Variants in CRYL1 observed in about 807,000 individuals in gnomAD.
The protein encoded by CRYL1 is crystallin lambda 1, also known as lambda-crystallin homolog.
In CRYL1, 29 loss-of-function variants were observed where a neutral mutation model predicts 36.6. That is an observed-to-expected ratio of 0.79 (90% CI 0.59 to 1.08). The LOEUF is 1.08. Ranked by LOEUF, CRYL1 falls within the 50% of genes least tolerant of loss-of-function variation. CRYL1 has a pLI of 0.00. For missense variants in CRYL1, 411 were observed against 407.9 expected, an observed-to-expected ratio of 1.01 and a Z score of -0.06; for synonymous variants, 152 against 151.5, an observed-to-expected ratio of 1.00 and a Z score of -0.02.
intron 1 of CRYL1, among the ~76,000 whole-genome samples, chr13:20,514,803 CTGTAAAAA>C (rs1337287791): frequency 6.6e-6 from 1 of 151,610 alleles, no homozygotes; most frequent in Non-Finnish European, 1.5e-5. Context: ...CACAATTTTT[CTGTAAAAA>C]TGTAAAAATT....
intron 3 of CRYL1, among the ~76,000 whole-genome samples, chr13:20,454,418 TG>T (rs1391993053): frequency 1.7e-5 from 2 of 120,228 alleles, no homozygotes; most frequent in Non-Finnish European, 3.3e-5. Flanking sequence ...CATTCGTGTT[TG>T]TTTTTTTTTT....
intron 2 of CRYL1, among the ~76,000 whole-genome samples, chr13:20,490,256 G>A (rs2033483710): frequency 6.6e-6 from 1 of 152,204 alleles, no homozygotes; most frequent in African/African-American, 2.4e-5. Flanking sequence ...GCTTGGCATT[G>A]TGCCGCGTGC....
rs2033275894 is a variant in CRYL1, at chr13:20,481,524, C to G, written c.276+7846G>C. Among the ~76,000 whole-genome samples, 3 of 152,160 alleles carry G rather than the reference C, an allele frequency of 2.0e-5. No individual in the cohort carries two copies. Among genetic ancestry groups the G allele is most frequent in the Non-Finnish European group, 4.4e-5 (3 of 68,040 alleles). ...TGATTTCATACGTGACTGTACGCAT[C>G]TGTCAGACACATAGCACTGAACCCT... On this transcript the variant is annotated intron_variant, in intron 3 of 7. Coordinates refer to ENST00000298248, the MANE Select transcript of CRYL1 (RefSeq NM_015974.3). The surrounding 1 kb of genome is among the most constrained non-coding windows in gnomAD (Gnocchi z 4.1).
At chr13:20,438,329 T>C (rs2032279359) in intron 4 of CRYL1, among the ~76,000 whole-genome samples, 1 of 152,158 alleles carries the variant, frequency 6.6e-6, no homozygotes, top group South Asian at 2.1e-4. Flanking sequence ...TCACTCATGC[T>C]TGGACTACTG....
At chr13:20,465,076 T>C (rs540657558) in intron 3 of CRYL1, among the ~76,000 whole-genome samples, 1 of 152,180 alleles carries the variant, frequency 6.6e-6, no homozygotes, top group Non-Finnish European at 1.5e-5. Context: ...AACTCCATAG[T>C]AGTTTAAGTA....
At chr13:20,504,022 A>G (rs916021885) in intron 2 of CRYL1, among the ~76,000 whole-genome samples, 5 of 152,122 alleles carry the variant, frequency 3.3e-5, no homozygotes, top group African/African-American at 1.2e-4. Flanking sequence ...TGGTGGAGAA[A>G]CCAAGATCGA....
chr13:20,481,235 C>A lies in CRYL1; in HGVS notation c.276+8135G>T, dbSNP rs930603651. On this transcript the variant is annotated intron_variant, in intron 3 of 7. Coordinates refer to ENST00000298248, the MANE Select transcript of CRYL1 (RefSeq NM_015974.3). The surrounding 1 kb of genome is among the most constrained non-coding windows in gnomAD (Gnocchi z 4.1). The stretch of plus-strand genomic sequence containing the variant: ...GCCCCAGTCCATCCAGAGTCCCACG[C>A]ACCTTAGTAATGTCATACCACTCAG... Among the ~76,000 whole-genome samples, 3 of 152,176 alleles carry A rather than the reference C, an allele frequency of 2.0e-5. No homozygotes were observed. The highest frequency in any genetic ancestry group is 4.4e-5 in the Non-Finnish European group (3 of 68,040).
At chr13:20,440,231 C>T (rs2032323066) in intron 3 of CRYL1, among the ~76,000 whole-genome samples, 1 of 152,232 alleles carries the variant, frequency 6.6e-6, no homozygotes, top group Non-Finnish European at 1.5e-5. Context: ...TTGGGGTCTA[C>T]ACTTTCTTAT....
At chr13:20,414,805 GCTC>G (rs1203932161) in intron 5 of CRYL1, among the ~76,000 whole-genome samples, 8 of 152,320 alleles carry the variant, frequency 5.3e-5, no homozygotes, top group Admixed American at 5.2e-4. Flanking sequence ...CAAGAGCTGC[GCTC>G]CACTGAGGTC....
chr13:20,439,913 A>G, intron 3 of CRYL1, 159 bp from the exon 4 acceptor site: 1 of 656,914 alleles, frequency 1.5e-6, no homozygotes, highest in Non-Finnish European at 2.6e-6. Context: ...CTGAGAAAAC[A>G]GCGGAAGCAG....
chr13:20,431,257 A>G (rs2032052242), intron 5 of CRYL1: 2 of 985,288 alleles, frequency 2.0e-6, no homozygotes, highest in Admixed American at 6.1e-5. Context: ...TGCGAGTCCA[A>G]ACAAGGAACT....
intron 3 of CRYL1, among the ~76,000 whole-genome samples, chr13:20,463,376 A>G (rs1393918752): frequency 7.0e-6 from 1 of 143,582 alleles, no homozygotes; most frequent in Non-Finnish European, 1.5e-5. Context: ...TCCAAGTAAG[A>G]TTAAGACACA....
intron 3 of CRYL1, among the ~76,000 whole-genome samples, chr13:20,484,067 T>C (rs9506496): frequency 0.95 from 145,247 of 152,264 alleles, 69,671 homozygotes; most frequent in East Asian, 1. Context: ...CTGCCCGCCT[T>C]GGCCTCCCAA....
chr13:20,459,385 A>G (rs1282463341), intron 3 of CRYL1, among the ~76,000 whole-genome samples: 2 of 152,218 alleles, frequency 1.3e-5, no homozygotes, highest in African/African-American at 4.8e-5. Context: ...TCTACTATAA[A>G]GACACATGCA....
At chr13:20,494,853 C>T (rs958120926) in intron 2 of CRYL1, among the ~76,000 whole-genome samples, 2 of 152,188 alleles carry the variant, frequency 1.3e-5, no homozygotes, top group African/African-American at 4.8e-5. Flanking sequence ...GTGGTTCTGC[C>T]TCAGGCCCTT....
chr13:20,485,175 G>A (rs1482481006), intron 3 of CRYL1, among the ~76,000 whole-genome samples: 2 of 152,038 alleles, frequency 1.3e-5, no homozygotes, highest in Non-Finnish European at 1.5e-5. Context: ...ACACCACCAC[G>A]CCTGGCTAAT....
chr13:20,467,677 C>T (rs1393008547), intron 3 of CRYL1, among the ~76,000 whole-genome samples: 2 of 152,134 alleles, frequency 1.3e-5, no homozygotes, highest in African/African-American at 4.8e-5. Context: ...AAAAATTAGC[C>T]GGGCGTGGTG....
intron 1 of CRYL1, among the ~76,000 whole-genome samples, chr13:20,520,874 G>A (rs1187142147): frequency 6.6e-6 from 1 of 152,126 alleles, no homozygotes; most frequent in East Asian, 1.9e-4. Context: ...GGGAGGCCGA[G>A]GTGGGTGGAT....
intron 5 of CRYL1, chr13:20,431,565 C>T: frequency 9.9e-7 from 1 of 1,011,428 alleles, no homozygotes. Context: ...TCTTCACCTC[C>T]ATGTAAAATC....
Sources: gnomAD v4.1 joint callset for allele counts (sites outside exome capture counted in the v4.1 genomes callset) on GRCh38, gnomAD v4.1.1 for gene constraint, Gnocchi (gnomAD v3.1) non-coding constraint, MANE v1.5 for transcripts, NCBI Gene and HGNC (gene_info 2026-07-23, HGNC 2026-07-21) for gene names.